NFKB1: variants seen among roughly 807,000 people sequenced by gnomAD.
The protein encoded by NFKB1 is nuclear factor NF-kappa-B p105 subunit.
NFKB1 carries 9 observed loss-of-function variants against 105.1 expected under a neutral mutation model. That is an observed-to-expected ratio of 0.09 (90% CI 0.05 to 0.15). The LOEUF (loss-of-function observed/expected upper bound fraction) is 0.15. NFKB1 is among the 10% of genes least tolerant of loss of function. NFKB1 has a pLI of 1.00. For missense variants in NFKB1, 830 were observed against 1,203.7 expected (o/e 0.69, Z 4.59); for synonymous variants, 440 against 442.2 (o/e 1.00, Z 0.06).
At chr4:102,515,110 T>TTA (rs2149102181) in intron 1 of NFKB1, among the ~76,000 whole-genome samples, 141 of 119,584 alleles carry the variant, frequency 1.2e-3, no homozygotes, top group African/African-American at 4.3e-3. Context: ...TATTATTATT[T>TTA]TTTTTTTTTT....
chr4:102,558,840 A>G (rs984080220), intron 5 of NFKB1, among the ~76,000 whole-genome samples: 9 of 152,124 alleles, frequency 5.9e-5, no homozygotes, highest in Non-Finnish European at 8.8e-5. Context: ...CTCCATCCTA[A>G]TGGAGAAGAG....
chr4:102,555,359 T>G (rs555376704), intron 5 of NFKB1, among the ~76,000 whole-genome samples: 1 of 152,326 alleles, frequency 6.6e-6, no homozygotes, highest in Non-Finnish European at 1.5e-5. Flanking sequence ...TAGGTACTGG[T>G]TCTGTTCTAG....
intron 4 of NFKB1, 135 bp from the exon 5 acceptor site, chr4:102,537,723 G>T: frequency 2.1e-6 from 1 of 482,252 alleles, no homozygotes; most frequent in Admixed American, 3.9e-5. Flanking sequence ...TGTTTACGGA[G>T]CCCTCTTTCA....
intron 11 of NFKB1, among the ~76,000 whole-genome samples, chr4:102,586,861 C>T (rs772668899): frequency 2.0e-5 from 3 of 152,218 alleles, no homozygotes; most frequent in Non-Finnish European, 4.4e-5. Flanking sequence ...GGTGTTGTCT[C>T]CTGTGAGAGC....
chr4:102,530,333 A>AT (rs1457515395), intron 3 of NFKB1, among the ~76,000 whole-genome samples: 2 of 152,186 alleles, frequency 1.3e-5, no homozygotes, highest in Non-Finnish European at 2.9e-5. Flanking sequence ...AATCATAAAA[A>AT]TCATCTCATT....
At chr4:102,561,160 G>C (rs942378911) in intron 5 of NFKB1, among the ~76,000 whole-genome samples, 8 of 152,062 alleles carry the variant, frequency 5.3e-5, no homozygotes, top group Non-Finnish European at 7.4e-5. Context: ...TGTCCTTCCT[G>C]GTTGCCCTGG....
chr4:102,505,873 C>A (rs887238490), intron 1 of NFKB1, among the ~76,000 whole-genome samples: 4 of 150,170 alleles, frequency 2.7e-5, no homozygotes, highest in Admixed American at 2.6e-4. Context: ...GAAGTTGTTG[C>A]AAAATTTTTT....
intron 2 of NFKB1, among the ~76,000 whole-genome samples, chr4:102,527,529 A>G (rs73837255): frequency 0.03 from 4,546 of 152,318 alleles, 228 homozygotes; most frequent in African/African-American, 0.1. Flanking sequence ...TATCATTTCT[A>G]TAAATAAAAT....
In NFKB1 at chr4:102,606,589, G is replaced by A. The variant is rs770105175; in HGVS notation, c.1846G>A (p.Gly616Ser). 6.2e-7 allele frequency: 1 copy of A among 1,614,060 alleles called. No homozygotes were observed. Among genetic ancestry groups the A allele is most frequent in the South Asian group, 1.1e-5 (1 of 91,076 alleles). ...GADLSLLDRL[G>S]NSVLHLAAKE... ...CGACCTGAGCCTTCTGGACCGCTTG[G>A]GTAACTCTGTTTTGCACCTAGCTGC... Residue 616 changes from glycine to serine, a missense_variant, in exon 17 of 24, where the codon GGT becomes AGT. Transcript: ENST00000226574.
At chr4:102,605,825 C>G (rs192396762) in intron 16 of NFKB1, among the ~76,000 whole-genome samples, 2 of 152,274 alleles carry the variant, frequency 1.3e-5, no homozygotes, top group Non-Finnish European at 2.9e-5. Context: ...TGACTGGTCT[C>G]AGGAGCCAGT....
chr4:102,605,178 A>G (rs1461225982), intron 16 of NFKB1, among the ~76,000 whole-genome samples: 2 of 152,154 alleles, frequency 1.3e-5, no homozygotes, highest in Non-Finnish European at 2.9e-5. Context: ...TATTTTTGAG[A>G]AGAAGGCTCT....
At chr4:102,575,138 T>G (rs553516530) in intron 6 of NFKB1, among the ~76,000 whole-genome samples, 8 of 152,222 alleles carry the variant, frequency 5.3e-5, no homozygotes, top group Non-Finnish European at 1.0e-4. Flanking sequence ...ATGCATTCCT[T>G]TATCAACAGA....
intron 4 of NFKB1, chr4:102,537,562 TA>T (rs1741722170): frequency 4.8e-6 from 1 of 207,582 alleles, no homozygotes; most frequent in Non-Finnish European, 9.7e-6. Flanking sequence ...ATGTTAAGTC[TA>T]AAGCCTAAAC....
intron 11 of NFKB1, 49 bp downstream of exon 11, chr4:102,584,869 T>G: frequency 3.3e-6 from 5 of 1,526,094 alleles, no homozygotes; most frequent in Non-Finnish European, 4.4e-6. Flanking sequence ...TTTATTTTAT[T>G]TTTGGTTTTT....
rs1724717929 is a variant in NFKB1 at position 102,575,207 on chromosome 4, A to AG, written c.408-1669_408-1668insG. Among the ~76,000 whole-genome samples the AG allele has an allele frequency of 6.6e-5, 10 of 152,322 alleles. 1 individual carries two copies. In the South Asian group the frequency reaches 2.1e-3, roughly 32 times the overall value. Reference sequence around the variant, plus strand: ...CTAGGGACTAGAGATCTCTGCCTTCAAGGAGCTTATTTTCTAGTGGTATAT... The same window carrying AG: ...CTAGGGACTAGAGATCTCTGCCTTCAGAGGAGCTTATTTTCTAGTGGTATAT... On this transcript the variant is annotated intron_variant, in intron 6 of 23. Transcript: ENST00000226574.
intron 22 of NFKB1, 142 bp from the exon 23 acceptor site, chr4:102,613,283 C>T (rs1161457409): frequency 5.1e-6 from 4 of 779,160 alleles, no homozygotes; most frequent in South Asian, 2.1e-5. Context: ...TTCTTAGTCG[C>T]TCTTCTCTGC....
At position 102,583,269 on chromosome 4, in the gene NFKB1, A is replaced by G. The variant is rs546436661; in HGVS notation, c.927+312A>G. ...CCAAAATGCTGGGATTATAGGCATG[A>G]TCCATATTACTATCATCATTTTATA... On this transcript the variant is annotated intron_variant, in intron 10 of 23. Transcript: ENST00000226574. Among the ~76,000 whole-genome samples, 8 of 152,284 alleles carry G rather than the reference A, an allele frequency of 5.3e-5. 1 individual carries two copies. The South Asian group carries it at 1.7e-3, about 32-fold the overall frequency.
At chr4:102,551,367 T>TGTGTGTGTGTGTGTGTGTGTGCGCGCGC (rs370790173) in intron 5 of NFKB1, among the ~76,000 whole-genome samples, 2 of 150,090 alleles carry the variant, frequency 1.3e-5, no homozygotes, top group African/African-American at 2.4e-5. Context: ...TGTGTGTGTG[T>TGTGTGTGTGTGTGTGTGTGTGCGCGCGC]GCGCGCGCGC....
intron 6 of NFKB1, among the ~76,000 whole-genome samples, chr4:102,568,419 C>T (rs986402702): frequency 1.3e-5 from 2 of 152,088 alleles, no homozygotes; most frequent in Admixed American, 6.6e-5. Flanking sequence ...ACAGTTTGTT[C>T]ATCATGTGTT....
Sources: gnomAD v4.1 joint callset for allele counts (sites outside exome capture counted in the v4.1 genomes callset) on GRCh38, gnomAD v4.1.1 for gene constraint, MANE v1.5 for transcripts, NCBI Gene and HGNC (gene_info 2026-07-23, HGNC 2026-07-21) for gene names.